The following TLE4 variants were observed in gnomAD, a reference collection of about 807,000 sequenced individuals.
TLE4 encodes the protein transducin-like enhancer protein 4.
TLE4 carries 8 observed loss-of-function variants against 92.8 expected under a neutral mutation model. That is an observed-to-expected ratio of 0.09 (90% CI 0.05 to 0.16). The LOEUF is 0.16. TLE4 is among the 10% of genes least tolerant of loss of function. TLE4 has a pLI of 1.00. For synonymous variants in TLE4, 371 were observed against 374.1 expected (o/e 0.99, Z 0.10); for missense variants, 675 against 997.6 (o/e 0.68, Z 4.36).
intron 4 of TLE4, among the ~76,000 whole-genome samples, chr9:79,585,031 A>G (rs2040700389): frequency 1.3e-5 from 2 of 152,156 alleles, no homozygotes; most frequent in Non-Finnish European, 2.9e-5. Context: ...GATCTTGACT[A>G]TATTGTGTGT....
At chr9:79,718,007 T>G (rs1191738178) in intron 14 of TLE4, 2 of 456,486 alleles carry the variant, frequency 4.4e-6, no homozygotes, top group African/African-American at 2.0e-5. Context: ...GACCAAATGC[T>G]TTTACCACCT....
At position 79,722,948 on chromosome 9, in the gene TLE4, T is replaced by C; in HGVS notation, c.2138-11T>C. On this transcript the variant is annotated splice_polypyrimidine_tract_variant and intron_variant, in intron 18 of 19. Coordinates refer to ENST00000376552, the MANE Select transcript of TLE4 (RefSeq NM_007005.6). Reference sequence around the variant, plus strand: ...ACAAACATTGCCTTTTTCAAAACCCTTTACCTATAGGCAAATGGTTTGTAA... The same window carrying C: ...ACAAACATTGCCTTTTTCAAAACCCCTTACCTATAGGCAAATGGTTTGTAA... 6.2e-7 allele frequency: 1 copy of C among 1,613,946 alleles called. No individual in the cohort carries two copies. The highest frequency in any genetic ancestry group is 8.5e-7 in the Non-Finnish European group (1 of 1,179,836).
At chr9:79,687,371 T>C (rs1429583793) in intron 8 of TLE4, among the ~76,000 whole-genome samples, 1 of 152,152 alleles carries the variant, frequency 6.6e-6, no homozygotes, top group East Asian at 1.9e-4. Flanking sequence ...GCCCCATGGG[T>C]GCCAGATTTT....
chr9:79,723,564 T>C (rs1462210709), intron 19 of TLE4, among the ~76,000 whole-genome samples: 1 of 152,212 alleles, frequency 6.6e-6, no homozygotes, highest in Admixed American at 6.5e-5. Flanking sequence ...AGTACACATA[T>C]ATGCACGCGT....
intron 4 of TLE4, among the ~76,000 whole-genome samples, chr9:79,601,249 A>G (rs1020615851): frequency 3.3e-5 from 5 of 152,198 alleles, no homozygotes; most frequent in Non-Finnish European, 7.3e-5. Flanking sequence ...TTTGAATAGC[A>G]TGGTATCCTA....
At chr9:79,593,983 T>C (rs1309443233) in intron 4 of TLE4, among the ~76,000 whole-genome samples, 1 of 152,210 alleles carries the variant, frequency 6.6e-6, no homozygotes, top group East Asian at 1.9e-4. Flanking sequence ...TATTTAACTT[T>C]TCTGAGTCTC....
chr9:79,634,072 G>A (rs142913123), intron 6 of TLE4, among the ~76,000 whole-genome samples: 1 of 152,262 alleles, frequency 6.6e-6, no homozygotes, highest in African/African-American at 2.4e-5. Context: ...TTAGTGAATA[G>A]CAAGAGTTAT....
rs10121379 is a variant in TLE4 at position 79,681,825 on chromosome 9, T to A, written c.610-22958T>A. Among the ~76,000 whole-genome samples, 48 of 120,422 alleles carry A rather than the reference T, an allele frequency of 4.0e-4. 3 individuals carry two copies. The East Asian group carries it at 5.9e-3, about 15-fold the overall frequency. 79.0% of individuals were successfully genotyped at this position (120,422 alleles called of 152,430 possible). A position where few individuals can be genotyped will look rare whatever the true frequency, so the allele number is the denominator to read the frequency against. ...GAGACAGAGAGAGAGAGAGAGAGAG[T>A]GTGTGCATGTGTGTGTGTGTGTGTG... On this transcript the variant is annotated intron_variant, in intron 8 of 19. Coordinates refer to ENST00000376552, the MANE Select transcript of TLE4 (RefSeq NM_007005.6).
intron 14 of TLE4, among the ~76,000 whole-genome samples, chr9:79,716,224 TG>T (rs1187295542): frequency 6.6e-6 from 1 of 152,226 alleles, no homozygotes; most frequent in African/African-American, 2.4e-5. Context: ...GAATGCACTC[TG>T]GCCTCCTTGC....
chr9:79,652,006 C>G (rs1056172550), intron 6 of TLE4, among the ~76,000 whole-genome samples: 7 of 152,038 alleles, frequency 4.6e-5, no homozygotes, highest in African/African-American at 1.7e-4. Context: ...GTTTGCATAT[C>G]AACTATTGAA....
intron 8 of TLE4, among the ~76,000 whole-genome samples, chr9:79,703,980 T>C (rs780012894): frequency 6.6e-6 from 1 of 152,180 alleles, no homozygotes; most frequent in Non-Finnish European, 1.5e-5. Flanking sequence ...AGCTCTACTT[T>C]ATAGTTTTTC....
intron 8 of TLE4, among the ~76,000 whole-genome samples, chr9:79,684,476 G>A (rs2065382026): frequency 2.5e-5 from 1 of 39,370 alleles, no homozygotes; most frequent in Non-Finnish European, 1.1e-4. Flanking sequence ...GTGCAATGCA[G>A]GGATCTATTG....
At chr9:79,706,706 T>A (rs2071674179) in intron 10 of TLE4, 41 bp from the exon 11 acceptor site, 1 of 1,587,846 alleles carries the variant, frequency 6.3e-7, no homozygotes, top group Non-Finnish European at 8.6e-7. Flanking sequence ...GCATTATAAA[T>A]GTGCTGTGCT....
At chr9:79,601,366 C>G (rs1360761947) in intron 4 of TLE4, 3 of 456,490 alleles carry the variant, frequency 6.6e-6, no homozygotes, top group Admixed American at 2.4e-5. Flanking sequence ...TGTGCTTTAG[C>G]TACAGGCATA....
At chr9:79,621,744 G>A (rs1564440725) in intron 5 of TLE4, among the ~76,000 whole-genome samples, 1 of 152,104 alleles carries the variant, frequency 6.6e-6, no homozygotes, top group Non-Finnish European at 1.5e-5. Context: ...TTGTTGATTG[G>A]TTGGTTGGTT....
At chr9:79,648,922 G>A (rs1424224465) in intron 6 of TLE4, among the ~76,000 whole-genome samples, 3 of 152,188 alleles carry the variant, frequency 2.0e-5, no homozygotes, top group African/African-American at 7.2e-5. Context: ...GGTGAGGCCA[G>A]AGAGGAGCAA....
chr9:79,642,196 T>A (rs1343949804), intron 6 of TLE4, among the ~76,000 whole-genome samples: 1 of 151,318 alleles, frequency 6.6e-6, no homozygotes, highest in Non-Finnish European at 1.5e-5. Flanking sequence ...CTGAACAACC[T>A]AAAGCAGATA....
chr9:79,606,443 A>G (rs1249093317), intron 4 of TLE4, among the ~76,000 whole-genome samples: 2 of 148,198 alleles, frequency 1.3e-5, no homozygotes, highest in Non-Finnish European at 3.0e-5. Context: ...TTTGTTACAT[A>G]GGTATATATG....
intron 11 of TLE4, 107 bp from the exon 12 acceptor site, chr9:79,708,011 C>T: frequency 3.4e-6 from 4 of 1,190,048 alleles, no homozygotes; most frequent in Non-Finnish European, 4.7e-6. Context: ...AGCTGAAGAA[C>T]CTCTTCCATT....
Sources: gnomAD v4.1 joint callset for allele counts (sites outside exome capture counted in the v4.1 genomes callset) on GRCh38, gnomAD v4.1.1 for gene constraint, MANE v1.5 for transcripts, NCBI Gene and HGNC (gene_info 2026-07-23, HGNC 2026-07-21) for gene names.